XPO4: variants seen among roughly 807,000 people sequenced by gnomAD.
XPO4 encodes the protein exportin 4, also known as exportin-4.
In XPO4, 39 loss-of-function variants were observed where a neutral mutation model predicts 143.0. The observed-to-expected ratio is 0.27, with a 90% CI of 0.21 to 0.36. The LOEUF (loss-of-function observed/expected upper bound fraction) is 0.36, where lower values mean the gene tolerates loss of function less well. XPO4 is among the 10% of genes least tolerant of loss of function. XPO4 has a pLI of 1.00. For missense variants in XPO4, 907 were observed against 1,348.0 expected (o/e 0.67, Z 5.12); for synonymous variants, 439 against 474.0 (o/e 0.93, Z 0.96).
intron 1 of XPO4, among the ~76,000 whole-genome samples, chr13:20,900,617 C>CT (rs71090516): frequency 1.3e-3 from 192 of 144,564 alleles, no homozygotes; most frequent in South Asian, 4.9e-3. Flanking sequence ...AAGTCATTTC[C>CT]TTTTTTTTTT....
intron 1 of XPO4, among the ~76,000 whole-genome samples, chr13:20,892,898 A>T (rs11617213): frequency 0.096 from 14,274 of 149,214 alleles, 889 homozygotes; most frequent in Middle Eastern, 0.17. Flanking sequence ...ATAAAAAAAA[A>T]AAAATAAAAG....
Position 20,782,203 on chromosome 13 carries a change from T to C in XPO4, c.*1519A>G, listed in dbSNP as rs979286869. The stretch of plus-strand genomic sequence containing the variant: ...CACATGTAATGACACATATGCTATA[T>C]GCAATCAGGTAGAAAAACCGTATTT... On this transcript the variant is annotated 3_prime_UTR_variant, in exon 23 of 23. Coordinates refer to ENST00000255305, the MANE Select transcript of XPO4 (RefSeq NM_022459.5). 1 of 152,266 alleles carries C rather than the reference T, an allele frequency of 6.6e-6. No individual in the cohort carries two copies. The highest frequency in any genetic ancestry group is 1.9e-4 in the East Asian group (1 of 5,200). The allele number at this position is 152,266 out of a possible 1,614,324, so 9.4% of individuals were successfully genotyped here.
At chr13:20,800,039 T>C (rs764635363) in intron 15 of XPO4, 117 bp downstream of exon 15, 9 of 1,165,708 alleles carry the variant, frequency 7.7e-6, no homozygotes, top group Non-Finnish European at 1.0e-5. Flanking sequence ...ATGTAGGCTC[T>C]ATCTGGAATT....
At chr13:20,868,748 C>T (rs2060265802) in intron 1 of XPO4, 47 bp from the exon 2 acceptor site, 2 of 1,538,084 alleles carry the variant, frequency 1.3e-6, no homozygotes, top group Non-Finnish European at 8.9e-7. Flanking sequence ...AATGACAAAG[C>T]TTAAATAATA....
intron 16 of XPO4, among the ~76,000 whole-genome samples, chr13:20,797,342 GA>G (rs995986478): frequency 6.6e-6 from 1 of 151,568 alleles, no homozygotes; most frequent in African/African-American, 2.4e-5. Context: ...AGTCAAAAAG[GA>G]AAAAAAACTT....
chr13:20,895,414 C>T (rs1417716931), intron 1 of XPO4, among the ~76,000 whole-genome samples: 1 of 151,986 alleles, frequency 6.6e-6, no homozygotes, highest in Non-Finnish European at 1.5e-5. Flanking sequence ...GGCAGATCAC[C>T]TGTGATCAGA....
chr13:20,874,256 A>C (rs1366989310), intron 1 of XPO4, among the ~76,000 whole-genome samples: 3 of 152,356 alleles, frequency 2.0e-5, no homozygotes, highest in African/African-American at 7.2e-5. Context: ...TCAAACTGAA[A>C]ATCTGGCATT....
intron 2 of XPO4, chr13:20,865,660 G>T: frequency 2.2e-6 from 2 of 903,240 alleles, no homozygotes; most frequent in Non-Finnish European, 2.6e-6. Flanking sequence ...TACAGGAAAA[G>T]CACTACATTC....
intron 1 of XPO4, among the ~76,000 whole-genome samples, chr13:20,883,773 T>C (rs1043430591): frequency 6.6e-6 from 1 of 152,298 alleles, no homozygotes; most frequent in Non-Finnish European, 1.5e-5. Context: ...TTGGGTTTTT[T>C]TGTTTGTTTT....
intron 22 of XPO4, among the ~76,000 whole-genome samples, chr13:20,784,322 T>C (rs2059174019): frequency 6.6e-6 from 1 of 152,130 alleles, no homozygotes; most frequent in Admixed American, 6.5e-5. Context: ...CTGCAATAGT[T>C]CCCCAGAGGT....
intron 13 of XPO4, among the ~76,000 whole-genome samples, chr13:20,804,976 G>C (rs1328871127): frequency 6.7e-6 from 1 of 149,622 alleles, no homozygotes; most frequent in African/African-American, 2.5e-5. Flanking sequence ...ACAGGGTCTT[G>C]CTGTGTCGCC....
intron 9 of XPO4, among the ~76,000 whole-genome samples, chr13:20,814,037 T>C (rs746368886): frequency 1.3e-4 from 19 of 151,992 alleles, no homozygotes; most frequent in East Asian, 1.9e-4. Flanking sequence ...TTTCTTTCCA[T>C]AGAAACATCT....
rs188905842 is a variant in XPO4 at position 20,865,800 on chromosome 13, T to C, written c.175+2796A>G. On this transcript the variant is annotated intron_variant, in intron 2 of 22. Transcript: ENST00000255305. ...CAGGCAATATAAGCTCCAAGTCTAC[T>C]CTTTGACTCAGTGATACCTATGCCC... Among the ~76,000 whole-genome samples, 136 of 152,312 alleles carry C rather than the reference T, an allele frequency of 8.9e-4. 1 individual carries two copies. The highest frequency in any genetic ancestry group is 3.2e-3 in the African/African-American group (131 of 41,566).
chr13:20,790,856 T>G (rs913484319), intron 18 of XPO4, among the ~76,000 whole-genome samples: 4 of 152,014 alleles, frequency 2.6e-5, no homozygotes, highest in African/African-American at 9.7e-5. Context: ...ATTGGGGAGG[T>G]TAAGAGCAGG....
Position 20,844,881 on chromosome 13 carries a change from G to A in XPO4, c.457-995C>T, listed in dbSNP as rs1241176646. ...TGTCTGAAATTTTTCTTTAAAAAAT[G>A]TAAACATAGGCCGGACACAGTGGCT... On this transcript the variant is annotated intron_variant, in intron 4 of 22. Coordinates refer to ENST00000255305, the MANE Select transcript of XPO4 (RefSeq NM_022459.5). Among the ~76,000 whole-genome samples, 4 of 152,204 alleles carry A rather than the reference G, an allele frequency of 2.6e-5. No individual in the cohort carries two copies. The South Asian group carries it at 6.2e-4, about 24-fold the overall frequency.
In XPO4 at chr13:20,902,744, C is replaced by G. The variant is rs764375293; in HGVS notation, c.-6G>C. ...CCCAGCGCCGCCGCCATCATGGTCT[C>G]TCTTCAATGACGCGCCATGCGCTGC... On this transcript the variant is annotated 5_prime_UTR_variant, in exon 1 of 23. Coordinates refer to ENST00000255305, the MANE Select transcript of XPO4 (RefSeq NM_022459.5). 2 of 1,536,050 alleles carry G rather than the reference C, an allele frequency of 1.3e-6. No homozygotes were observed. The highest frequency in any genetic ancestry group is 2.6e-5 in the East Asian group (1 of 38,076).
Position 20,782,708 on chromosome 13 carries a change from T to G in XPO4, c.*1014A>C, listed in dbSNP as rs2059155780. 6.6e-6 allele frequency: 1 copy of G among 152,548 alleles called. No individual in the cohort carries two copies. Among genetic ancestry groups the G allele is most frequent in the African/African-American group, 2.4e-5 (1 of 41,424 alleles). 9.4% of individuals were successfully genotyped at this position (152,548 alleles called of 1,614,324 possible). On this transcript the variant is annotated 3_prime_UTR_variant, in exon 23 of 23. Transcript: ENST00000255305. The stretch of plus-strand genomic sequence containing the variant: ...CATTTCACTGATAAACCTACATAAA[T>G]ACACGATCGAAAGGGGCAACAGGTT...
intron 18 of XPO4, among the ~76,000 whole-genome samples, chr13:20,791,259 T>C (rs1340758432): frequency 2.6e-5 from 4 of 152,150 alleles, no homozygotes; most frequent in African/African-American, 9.7e-5. Flanking sequence ...AAGATACTAC[T>C]TCTGATTCAT....
At chr13:20,880,777 T>C (rs1464541939) in intron 1 of XPO4, among the ~76,000 whole-genome samples, 1 of 151,962 alleles carries the variant, frequency 6.6e-6, no homozygotes, top group Non-Finnish European at 1.5e-5. Context: ...GGAAACATGG[T>C]GAAACCCCAT....
Sources: gnomAD v4.1 joint callset for allele counts (sites outside exome capture counted in the v4.1 genomes callset) on GRCh38, gnomAD v4.1.1 for gene constraint, MANE v1.5 for transcripts, NCBI Gene and HGNC (gene_info 2026-07-23, HGNC 2026-07-21) for gene names.